The following SCFD2 variants were observed in gnomAD, a reference collection of about 807,000 sequenced individuals.
The protein encoded by SCFD2 is sec1 family domain-containing protein 2.
Under a neutral mutation model 58.9 loss-of-function variants are expected in SCFD2, and 54 were observed. The observed-to-expected ratio is 0.92, with a 90% CI of 0.74 to 1.15. The LOEUF (loss-of-function observed/expected upper bound fraction) is 1.15, where lower values mean the gene tolerates loss of function less well. SCFD2 is among the 50% of genes most tolerant of loss of function. The pLI is 0.00. For missense variants in SCFD2, 805 were observed against 836.6 expected (o/e 0.96, Z 0.47); for synonymous variants, 321 against 335.9 (o/e 0.96, Z 0.49).
chr4:53,125,576 A>G (rs2148895416), intron 5 of SCFD2, among the ~76,000 whole-genome samples: 1 of 152,386 alleles, frequency 6.6e-6, no homozygotes, highest in Admixed American at 6.5e-5. Flanking sequence ...CTAACCTCAG[A>G]AGATGGGACA....
intron 5 of SCFD2, among the ~76,000 whole-genome samples, chr4:53,042,693 A>ATTTTTTTTTTTTTTTTTTTTT (rs34600550): frequency 7.0e-6 from 1 of 143,260 alleles, no homozygotes; most frequent in African/African-American, 2.9e-5. Context: ...TCCCCAACCT[A>ATTTTTTTTTTTTTTTTTTTTT]TTTTTTTTGT....
intron 4 of SCFD2, among the ~76,000 whole-genome samples, chr4:53,202,109 G>A (rs1343103203): frequency 6.6e-6 from 1 of 152,068 alleles, no homozygotes; most frequent in Non-Finnish European, 1.5e-5. Context: ...CCATGCCTAT[G>A]TCCTGAATGG....
chr4:52,887,571 C>T (rs1342409915), intron 7 of SCFD2, among the ~76,000 whole-genome samples: 1 of 152,138 alleles, frequency 6.6e-6, no homozygotes, highest in Admixed American at 6.5e-5. Flanking sequence ...AAATCAGTCA[C>T]CAGAAGGGTG....
At chr4:52,939,597 T>C (rs1475213956) in intron 5 of SCFD2, among the ~76,000 whole-genome samples, 1 of 152,198 alleles carries the variant, frequency 6.6e-6, no homozygotes, top group African/African-American at 2.4e-5. Context: ...GACAGTTCTG[T>C]TGATGAGCTG....
chr4:53,316,660 A>G (rs866751051), intron 2 of SCFD2, among the ~76,000 whole-genome samples: 2 of 152,194 alleles, frequency 1.3e-5, no homozygotes, highest in Admixed American at 6.5e-5. Flanking sequence ...GCTTATTCAT[A>G]CAATCTTGAT....
chr4:53,078,845 C>G (rs1309033429), intron 5 of SCFD2, among the ~76,000 whole-genome samples: 1 of 152,194 alleles, frequency 6.6e-6, no homozygotes, highest in South Asian at 2.1e-4. Flanking sequence ...TTTACTTGCA[C>G]TTACTCAGCA....
intron 5 of SCFD2, among the ~76,000 whole-genome samples, chr4:52,971,141 C>A (rs1042658766): frequency 2.0e-5 from 3 of 152,182 alleles, no homozygotes; most frequent in Non-Finnish European, 4.4e-5. Flanking sequence ...CAGCTCCTCA[C>A]CAGCAATGGA....
At chr4:53,128,817 A>G (rs1418744990) in intron 5 of SCFD2, among the ~76,000 whole-genome samples, 5 of 152,192 alleles carry the variant, frequency 3.3e-5, no homozygotes, top group Non-Finnish European at 7.3e-5. Flanking sequence ...CACTGTTTCT[A>G]TGATTTCACA....
In SCFD2 at chr4:53,108,388, T is replaced by G. The variant is rs530574807; in HGVS notation, c.1561+36945A>C. Among the ~76,000 whole-genome samples the G allele has an allele frequency of 2.9e-4, 44 of 151,820 alleles. 1 individual carries two copies. In the South Asian group the frequency reaches 6.9e-3, roughly 24 times the overall value. On this transcript the variant is annotated intron_variant, in intron 5 of 8. Transcript: ENST00000401642. ...AACTACAGCAGAAGTGAAGGAGATA[T>G]AGAGACACGAAAAACCCTTAAAAAA...
At chr4:52,919,823 C>T (rs1270375698) in intron 6 of SCFD2, among the ~76,000 whole-genome samples, 1 of 152,204 alleles carries the variant, frequency 6.6e-6, no homozygotes, top group African/African-American at 2.4e-5. Flanking sequence ...CAGTGGGTAA[C>T]ATTAGCTCAA....
At chr4:53,012,721 C>CA (rs1050340468) in intron 5 of SCFD2, among the ~76,000 whole-genome samples, 1 of 151,456 alleles carries the variant, frequency 6.6e-6, no homozygotes, top group African/African-American at 2.4e-5. Flanking sequence ...AGCCAGTCGG[C>CA]AAAAAAGGCA....
At chr4:52,977,205 AT>A (rs1721276146) in intron 5 of SCFD2, among the ~76,000 whole-genome samples, 1 of 152,160 alleles carries the variant, frequency 6.6e-6, no homozygotes, top group Admixed American at 6.5e-5. Flanking sequence ...ATAACTGATG[AT>A]TTTTATAAGA....
At chr4:53,310,437 G>A (rs1266342384) in intron 3 of SCFD2, among the ~76,000 whole-genome samples, 1 of 152,198 alleles carries the variant, frequency 6.6e-6, no homozygotes, top group Non-Finnish European at 1.5e-5. Flanking sequence ...TCTGTAAAAT[G>A]TATCAGCGTT....
At chr4:53,344,430 C>T (rs1008885933) in intron 2 of SCFD2, among the ~76,000 whole-genome samples, 4 of 152,162 alleles carry the variant, frequency 2.6e-5, no homozygotes, top group African/African-American at 9.7e-5. Flanking sequence ...CTACAAACCA[C>T]TGCTCAACGA....
chr4:52,876,689 G>T (rs1718481943), intron 8 of SCFD2, among the ~76,000 whole-genome samples: 1 of 145,860 alleles, frequency 6.9e-6, no homozygotes, highest in African/African-American at 2.5e-5. Context: ...GGTGGAAGTT[G>T]CAGTGAGCCA....
At chr4:53,025,836 T>C (rs1456427021) in intron 5 of SCFD2, among the ~76,000 whole-genome samples, 1 of 152,182 alleles carries the variant, frequency 6.6e-6, no homozygotes, top group Non-Finnish European at 1.5e-5. Flanking sequence ...TTTTAAATAA[T>C]AGTTTGTCAA....
At chr4:53,186,572 G>C (rs900048753) in intron 4 of SCFD2, among the ~76,000 whole-genome samples, 2 of 152,060 alleles carry the variant, frequency 1.3e-5, no homozygotes, top group African/African-American at 4.8e-5. Context: ...AAAGCAACAA[G>C]CAGTTATTCT....
At chr4:52,945,284 C>A (rs1245391751) in intron 5 of SCFD2, among the ~76,000 whole-genome samples, 1 of 152,102 alleles carries the variant, frequency 6.6e-6, no homozygotes, top group African/African-American at 2.4e-5. Context: ...CATTCGTATG[C>A]TATAAGCATT....
At chr4:52,875,271 G>C (rs1195209071) in intron 8 of SCFD2, among the ~76,000 whole-genome samples, 3 of 152,120 alleles carry the variant, frequency 2.0e-5, no homozygotes, top group African/African-American at 7.2e-5. Flanking sequence ...CCTCAGTCTG[G>C]ATTTTATTCC....
Sources: gnomAD v4.1 joint callset for allele counts (sites outside exome capture counted in the v4.1 genomes callset) on GRCh38, gnomAD v4.1.1 for gene constraint, MANE v1.5 for transcripts, NCBI Gene and HGNC (gene_info 2026-07-23, HGNC 2026-07-21) for gene names.